Variants in ADAM17 observed in about 807,000 individuals in gnomAD.
ADAM17 encodes the protein ADAM metallopeptidase domain 17, also known as disintegrin and metalloproteinase domain-containing protein 17.
In ADAM17, 39 loss-of-function variants were observed where a neutral mutation model predicts 96.7. The ratio of observed to expected loss-of-function variants is 0.40; its 90% CI spans 0.31 to 0.53. The LOEUF is 0.53. Among genes scored for constraint, ADAM17 ranks in the 20% least tolerant of loss-of-function variants. The probability of loss-of-function intolerance (pLI) is 0.44; values close to 1 mark genes in which losing one functional copy is unlikely to be tolerated. For missense variants in ADAM17, 777 were observed against 1,013.2 expected (o/e 0.77, Z 3.17); for synonymous variants, 344 against 359.2 (o/e 0.96, Z 0.48).
At chr2:9,529,717 T>C (rs555612418) in intron 4 of ADAM17, among the ~76,000 whole-genome samples, 1 of 152,286 alleles carries the variant, frequency 6.6e-6, no homozygotes, top group Admixed American at 6.5e-5. Context: ...ACGCCTGTAA[T>C]CTCAGCACTT....
At chr2:9,493,686 T>G (rs1408571744) in intron 16 of ADAM17, 61 bp downstream of exon 16, 1 of 1,447,834 alleles carries the variant, frequency 6.9e-7, no homozygotes, top group South Asian at 1.2e-5. Flanking sequence ...AAGCACACTT[T>G]TCTAATGTCA....
Position 9,518,252 on chromosome 2 carries a change from G to GA in ADAM17, c.958-6dup. 2 of 456,836 alleles carry GA rather than the reference G, an allele frequency of 4.4e-6. No homozygotes were observed. Among genetic ancestry groups the GA allele is most frequent in the Non-Finnish European group, 6.0e-6 (2 of 334,926 alleles). The allele number at this position is 456,836 out of a possible 1,614,324, so 28.3% of individuals were successfully genotyped here. A position where few individuals can be genotyped will look rare whatever the true frequency, so the allele number is the denominator to read the frequency against. On this transcript the variant is annotated splice_region_variant and splice_polypyrimidine_tract_variant and intron_variant, in intron 8 of 18. Coordinates refer to ENST00000310823, the MANE Select transcript of ADAM17 (RefSeq NM_003183.6). ...AGCTATATCAAAGCTAAATTGCTTTGAAAGACCAAAAAAAAAAAAAAAAAA... is the reference window on the plus strand; with the variant it reads ...AGCTATATCAAAGCTAAATTGCTTTGAAAAGACCAAAAAAAAAAAAAAAAAA...
chr2:9,504,544 A>G (rs1663252016), intron 12 of ADAM17, among the ~76,000 whole-genome samples: 1 of 152,130 alleles, frequency 6.6e-6, no homozygotes. Context: ...AGGTGGATGG[A>G]TCACAAGGTC....
At position 9,527,893 on chromosome 2, in the gene ADAM17, T is replaced by C; in HGVS notation, c.512A>G (p.Asp171Gly). 3 of 1,594,646 alleles carry C rather than the reference T, an allele frequency of 1.9e-6. No homozygotes were observed. Among genetic ancestry groups the C allele is most frequent in the East Asian group, 2.3e-5 (1 of 44,154 alleles). ...DKRMLVYKSE[D>G]IKNVSRLQSP... ...CTGCAAACGTGAAACATTCTTGATA[T>C]CTTCAGATTTATAAACTAACATTCT... is the stretch of plus-strand genomic sequence containing the variant. The change falls in exon 5 of 19, where the codon GAT (aspartate) becomes GGT (glycine). Residue 171 changes from aspartate to glycine, a missense_variant. By Grantham distance (94) the Asp-to-Gly change is moderately conservative. Coordinates refer to ENST00000310823, the MANE Select transcript of ADAM17 (RefSeq NM_003183.6).
chr2:9,509,112 G>A (rs1283027019), intron 11 of ADAM17, among the ~76,000 whole-genome samples: 1 of 152,168 alleles, frequency 6.6e-6, no homozygotes, highest in Non-Finnish European at 1.5e-5. Flanking sequence ...GTCCAGGGAA[G>A]GCTTGCACAT....
At chr2:9,508,293 A>G (rs531441507) in intron 11 of ADAM17, among the ~76,000 whole-genome samples, 1 of 152,216 alleles carries the variant, frequency 6.6e-6, no homozygotes, top group African/African-American at 2.4e-5. Context: ...ACAGGATGGT[A>G]TCATGAATGC....
intron 8 of ADAM17, among the ~76,000 whole-genome samples, chr2:9,519,501 T>C (rs1433440177): frequency 6.6e-6 from 1 of 152,142 alleles, no homozygotes; most frequent in Non-Finnish European, 1.5e-5. Context: ...CCATCACCAG[T>C]TGTATGACTA....
At chr2:9,497,352 C>A in intron 13 of ADAM17, 104 bp from the exon 14 acceptor site, 1 of 1,468,362 alleles carries the variant, frequency 6.8e-7, no homozygotes, top group Non-Finnish European at 9.2e-7. Flanking sequence ...TCTTACCTTG[C>A]AAAAGCAAAA....
intron 4 of ADAM17, among the ~76,000 whole-genome samples, chr2:9,528,536 T>TA (rs1664617834): frequency 2.0e-5 from 3 of 152,228 alleles, no homozygotes; most frequent in Admixed American, 6.5e-5. Context: ...AATCTCCACT[T>TA]ACAATGTTAC....
At chr2:9,503,837 C>CA (rs34655910) in intron 12 of ADAM17, among the ~76,000 whole-genome samples, 74,590 of 124,426 alleles carry the variant, frequency 0.6, 22,225 homozygotes, top group African/African-American at 0.7. Flanking sequence ...GACTCCGTCT[C>CA]AAAAAAAAAA....
chr2:9,543,070 T>G, intron 2 of ADAM17, 83 bp downstream of exon 2: 1 of 1,391,198 alleles, frequency 7.2e-7, no homozygotes, highest in South Asian at 1.5e-5. Flanking sequence ...TTCCCAAGAT[T>G]TCAGTAGATA....
chr2:9,552,651 C>A (rs559535759), intron 1 of ADAM17, among the ~76,000 whole-genome samples: 12 of 152,152 alleles, frequency 7.9e-5, no homozygotes, highest in Admixed American at 7.9e-4. Flanking sequence ...TCCTCCCACC[C>A]ACTACATCCT....
intron 7 of ADAM17, chr2:9,522,211 C>T: frequency 2.6e-6 from 1 of 383,602 alleles, no homozygotes; most frequent in Non-Finnish European, 4.6e-6. Context: ...CTCCAACATA[C>T]TGTGAAATGA....
In ADAM17 at chr2:9,555,758, C is replaced by CG; in HGVS notation, c.-154dup. ...GCGCCGCCTACTGGGAAGATTCTACCGCCAGGCTCGACGCCCCCAGAAGTG... is the reference window on the plus strand; with the variant it reads ...GCGCCGCCTACTGGGAAGATTCTACCGGCCAGGCTCGACGCCCCCAGAAGTG... On this transcript the variant is annotated 5_prime_UTR_variant, in exon 1 of 19. Transcript: ENST00000310823. The CG allele has an allele frequency of 1.7e-6, 1 of 605,208 alleles. No homozygotes were observed. Among genetic ancestry groups the CG allele is most frequent in the Non-Finnish European group, 2.6e-6 (1 of 383,982 alleles). The allele number at this position is 605,208 out of a possible 1,614,324, so 37.5% of individuals were successfully genotyped here. A position where few individuals can be genotyped will look rare whatever the true frequency, so the allele number is the denominator to read the frequency against.
intron 10 of ADAM17, among the ~76,000 whole-genome samples, chr2:9,513,952 A>T (rs1051435070): frequency 7.3e-5 from 11 of 151,188 alleles, no homozygotes; most frequent in African/African-American, 2.7e-4. Context: ...CGGAGGTTGC[A>T]GTGAGCCAAG....
At chr2:9,530,916 A>G (rs1664712173) in intron 4 of ADAM17, among the ~76,000 whole-genome samples, 1 of 152,176 alleles carries the variant, frequency 6.6e-6, no homozygotes, top group South Asian at 2.1e-4. Flanking sequence ...TCTTTCTGTA[A>G]CTACAGGGTA....
Position 9,518,099 on chromosome 2 carries a change from T to G in ADAM17, c.1102+4A>C. On this transcript the variant is annotated splice_donor_region_variant and intron_variant, in intron 9 of 18. Transcript: ENST00000310823. ...ATATTCACACAAGAAATGGAAAAAC[T>G]TACCCTTTGGACAAACACCTCCATG... 2 of 1,583,604 alleles carry G rather than the reference T, an allele frequency of 1.3e-6. No homozygotes were observed. Among genetic ancestry groups the G allele is most frequent in the South Asian group, 1.2e-5 (1 of 85,212 alleles).
rs200972600 is a variant in ADAM17 at position 9,523,285 on chromosome 2, A to G, written c.807T>C (p.Asn269=). 1.2e-6 allele frequency: 2 copies of G among 1,613,076 alleles called. No individual in the cohort carries two copies. Among genetic ancestry groups the G allele is most frequent in the Non-Finnish European group, 1.7e-6 (2 of 1,179,414 alleles). Reference sequence around the variant, plus strand: ...GTATTCCATAGCCTTTAAAACCTGCATTATCCCATGAAGTGTTCCGATAGA... The same window carrying G: ...GTATTCCATAGCCTTTAAAACCTGCGTTATCCCATGAAGTGTTCCGATAGA... ...DDIYRNTSWD[N]AGFKGYGIQI... is the part of the protein sequence containing the mutation. The change falls in exon 7 of 19, where the codon AAT becomes AAC. Residue 269 remains asparagine (N), a synonymous_variant. Transcript: ENST00000310823.
At chr2:9,531,718 G>C (rs1664747124) in intron 4 of ADAM17, among the ~76,000 whole-genome samples, 1 of 151,992 alleles carries the variant, frequency 6.6e-6, no homozygotes, top group African/African-American at 2.4e-5. Flanking sequence ...ATAAATAAAA[G>C]TTGGGGGAAA....
Sources: gnomAD v4.1 joint callset for allele counts (sites outside exome capture counted in the v4.1 genomes callset) on GRCh38, gnomAD v4.1.1 for gene constraint, MANE v1.5 for transcripts, NCBI Gene and HGNC (gene_info 2026-07-23, HGNC 2026-07-21) for gene names.